Variants in PTPRQ observed in about 807,000 individuals in gnomAD.
PTPRQ encodes phosphatidylinositol phosphatase PTPRQ.
A neutral mutation model predicts 246.0 loss-of-function variants in PTPRQ; 199 were observed. The observed-to-expected ratio is 0.81, with a 90% CI of 0.72 to 0.91. The LOEUF (loss-of-function observed/expected upper bound fraction) is 0.91. Ranked by LOEUF, PTPRQ falls within the 40% of genes least tolerant of loss-of-function variation. PTPRQ has a pLI of 0.00. For synonymous variants in PTPRQ, 869 were observed against 853.2 expected (o/e 1.02, Z -0.32); for missense variants, 2,624 against 2,528.4 (o/e 1.04, Z -0.81).
intron 24 of PTPRQ, chr12:80,547,142 C>T (rs1330053580): frequency 6.4e-6 from 1 of 156,536 alleles, no homozygotes; most frequent in African/African-American, 2.4e-5. Context: ...CATAAGCCCC[C>T]TATGTTCCCA....
chr12:80,546,955 C>T (rs543965448), intron 24 of PTPRQ: 4 of 304,392 alleles, frequency 1.3e-5, no homozygotes, highest in South Asian at 1.7e-4. Context: ...ACAAAATAGC[C>T]TTCTAGATAT....
chr12:80,658,706 T>TA (rs1053648204), intron 39 of PTPRQ, among the ~76,000 whole-genome samples: 24 of 152,194 alleles, frequency 1.6e-4, no homozygotes, highest in African/African-American at 5.8e-4. Context: ...GGTTTTTTTT[T>TA]AACCAAGTTA....
intron 27 of PTPRQ, among the ~76,000 whole-genome samples, chr12:80,607,997 G>T (rs1467756234): frequency 6.6e-6 from 1 of 150,674 alleles, no homozygotes; most frequent in Admixed American, 6.6e-5. Flanking sequence ...AGTTTTGTGG[G>T]GAATATAAGG....
At chr12:80,448,635 C>T (rs10047520) in intron 3 of PTPRQ, among the ~76,000 whole-genome samples, 145,509 of 149,856 alleles carry the variant, frequency 0.97, 70,792 homozygotes, top group African/African-American at 1. Flanking sequence ...CTTGGTTTTT[C>T]GTTCTTGCGA....
chr12:80,623,930 G>C (rs1226396325), intron 33 of PTPRQ, among the ~76,000 whole-genome samples: 2 of 152,160 alleles, frequency 1.3e-5, no homozygotes, highest in Admixed American at 6.5e-5. Context: ...TCTGCCCAAT[G>C]ATGGCCTCAT....
In PTPRQ at chr12:80,640,809, G is replaced by C. The variant is rs1254335265; in HGVS notation, c.5915+5736G>C. ...TATAATATTGCATGCTATTGATAAT[G>C]GTCAAGTTAATCTTATCAAAATGCA... On this transcript the variant is annotated intron_variant, in intron 35 of 44. Coordinates refer to ENST00000644991, the MANE Select transcript of PTPRQ (RefSeq NM_001145026.2). Among the ~76,000 whole-genome samples, 2 of 152,166 alleles carry C rather than the reference G, an allele frequency of 1.3e-5. 1 individual carries two copies.
At chr12:80,656,876 C>CAAAAAAAAA (rs113862574) in intron 38 of PTPRQ, among the ~76,000 whole-genome samples, 2 of 113,596 alleles carry the variant, frequency 1.8e-5, no homozygotes, top group Non-Finnish European at 2.0e-5. Flanking sequence ...CCTCATTCCT[C>CAAAAAAAAA]AAAAAAAAAA....
intron 17 of PTPRQ, among the ~76,000 whole-genome samples, chr12:80,524,503 T>C (rs1222020147): frequency 6.6e-6 from 1 of 152,120 alleles, no homozygotes; most frequent in Non-Finnish European, 1.5e-5. Context: ...AAACAGAATA[T>C]TGCACAATTT....
intron 3 of PTPRQ, among the ~76,000 whole-genome samples, chr12:80,452,997 G>C (rs1032805178): frequency 2.6e-5 from 4 of 152,134 alleles, no homozygotes; most frequent in African/African-American, 9.7e-5. Flanking sequence ...TCACTTTCAG[G>C]TATACCAATC....
intron 6 of PTPRQ, among the ~76,000 whole-genome samples, chr12:80,461,483 G>C (rs1393798831): frequency 6.6e-6 from 1 of 151,740 alleles, no homozygotes; most frequent in Admixed American, 6.6e-5. Flanking sequence ...CATATTTTTG[G>C]TAAGGTATTC....
intron 25 of PTPRQ, among the ~76,000 whole-genome samples, chr12:80,558,083 C>T (rs1417164167): frequency 2.8e-5 from 4 of 141,238 alleles, no homozygotes; most frequent in African/African-American, 1.0e-4. Context: ...CTTCCCTCCC[C>T]TTCCCTCCCT....
At chr12:80,534,765 TA>T in intron 18 of PTPRQ, 126 bp from the exon 19 acceptor site, 2 of 1,194,416 alleles carry the variant, frequency 1.7e-6, no homozygotes, top group Non-Finnish European at 2.3e-6. Context: ...CTGACATTTC[TA>T]ATTCAAGCTT....
rs146220341 is a variant in PTPRQ at position 80,488,199 on chromosome 12, T to A, written c.1359+3594T>A. Among the ~76,000 whole-genome samples the A allele has an allele frequency of 4.9e-3, 747 of 152,020 alleles. 5 individuals carry two copies. Among genetic ancestry groups the A allele is most frequent in the African/African-American group, 0.017 (706 of 41,500 alleles). On this transcript the variant is annotated intron_variant, in intron 9 of 44. Transcript: ENST00000644991. ...TGTGATCATGGGAGAGACATGTTAT[T>A]CCTTTTGCCTTATTCTATTGGTTAG...
In PTPRQ at chr12:80,665,711, G is replaced by A. The variant is rs1455729841; in HGVS notation, c.6193-3296G>A. Among the ~76,000 whole-genome samples, 4 of 151,714 alleles carry A rather than the reference G, an allele frequency of 2.6e-5. No individual in the cohort carries two copies. In the East Asian group the frequency reaches 7.7e-4, roughly 29 times the overall value. On this transcript the variant is annotated intron_variant, in intron 39 of 44. Coordinates refer to ENST00000644991, the MANE Select transcript of PTPRQ (RefSeq NM_001145026.2). ...TTTGCAAACTATTCATCCAACAAGG[G>A]ATTAATATCCAAAATATACCAGGAA...
chr12:80,524,545 A>C (rs2120769854), intron 17 of PTPRQ, among the ~76,000 whole-genome samples: 1 of 152,228 alleles, frequency 6.6e-6, no homozygotes, highest in South Asian at 2.1e-4. Flanking sequence ...GTTGTGTCTA[A>C]CAGTAAGTGG....
At chr12:80,642,141 T>G (rs1292548107) in intron 35 of PTPRQ, among the ~76,000 whole-genome samples, 1 of 152,198 alleles carries the variant, frequency 6.6e-6, no homozygotes, top group Non-Finnish European at 1.5e-5. Flanking sequence ...CACCTCTACA[T>G]ACGTCATACT....
chr12:80,530,933 T>C (rs1315784494), intron 17 of PTPRQ, among the ~76,000 whole-genome samples: 1 of 152,100 alleles, frequency 6.6e-6, no homozygotes, highest in Non-Finnish European at 1.5e-5. Context: ...ATGCCTGTAG[T>C]ACCAGCTACT....
chr12:80,647,049 G>A (rs1395717493), intron 35 of PTPRQ, among the ~76,000 whole-genome samples: 1 of 151,992 alleles, frequency 6.6e-6, no homozygotes, highest in African/African-American at 2.4e-5. Flanking sequence ...ATGGTTTATT[G>A]ACATTTTCCC....
At chr12:80,506,483 G>A in intron 15 of PTPRQ, 86 bp from the exon 16 acceptor site, 1 of 1,093,016 alleles carries the variant, frequency 9.1e-7, no homozygotes, top group Non-Finnish European at 1.3e-6. Context: ...GGAAGATTGT[G>A]TTGACAGCCA....
Sources: allele counts gnomAD v4.1 joint callset (sites outside exome capture counted in the v4.1 genomes callset), GRCh38; gene constraint gnomAD v4.1.1; transcripts MANE v1.5; gene names NCBI Gene and HGNC (gene_info 2026-07-23, HGNC 2026-07-21).